BPI: variants seen among roughly 807,000 people sequenced by gnomAD.
The protein encoded by BPI is bactericidal permeability increasing protein, also known as bactericidal permeability-increasing protein.
In BPI, 48 loss-of-function variants were observed where a neutral mutation model predicts 57.6. The observed-to-expected ratio is 0.83, with a 90% confidence interval of 0.66 to 1.06. The LOEUF (loss-of-function observed/expected upper bound fraction) is 1.06, where lower values mean the gene tolerates loss of function less well. Among genes scored for constraint, BPI ranks in the 50% least tolerant of loss-of-function variants. BPI has a pLI of 0.00. For missense variants in BPI, 651 were observed against 609.7 expected, an observed-to-expected ratio of 1.07 and a Z score of -0.71; for synonymous variants, 237 against 238.2, an observed-to-expected ratio of 0.99 and a Z score of 0.05.
rs151281669 is a variant in BPI, at chr20:38,327,589, A to G, written c.1163A>G (p.His388Arg). ...CACCCTGGGTTGTTGTTTTGGCAGC[A>G]CACAACTGGTTCCATGGAGGTCAGC... ...SLASLFLIGM[H>R]TTGSMEVSAE... Residue 388 changes from histidine to arginine, a missense_variant and splice_region_variant, in exon 11 of 15, where the codon CAC (histidine) becomes CGC (arginine). By Grantham distance (29) the His-to-Arg change is conservative. Coordinates refer to ENST00000642449, the MANE Select transcript of BPI (RefSeq NM_001725.3). 6.3e-5 allele frequency: 102 copies of G among 1,613,028 alleles called. No homozygotes were observed. The highest frequency in any genetic ancestry group is 8.2e-5 in the Non-Finnish European group (97 of 1,179,602).
chr20:38,304,228 C>T lies in BPI; in HGVS notation c.5C>T (p.Ala2Val). 6.2e-7 allele frequency: 1 copy of T among 1,614,172 alleles called. No individual in the cohort carries two copies. The highest frequency in any genetic ancestry group is 8.5e-7 in the Non-Finnish European group (1 of 1,180,032). M[A>V]RGPCNAPRWA... is the part of the protein sequence containing the mutation. ...CTCTGGAGGATGAGAGAGAACATGG[C>T]CAGGGGCCCTTGCAACGCGCCGAGA... The change falls in exon 1 of 15, where the codon GCC becomes GTC. Residue 2 changes from alanine to valine, a missense_variant. By Grantham distance (64) the Ala-to-Val change is moderately conservative. Coordinates refer to ENST00000642449, the MANE Select transcript of BPI (RefSeq NM_001725.3).
rs187671628 is a variant in BPI, at chr20:38,304,278, G to T, written c.55G>T (p.Ala19Ser). The T allele has an allele frequency of 6.8e-6, 11 of 1,614,104 alleles. No individual in the cohort carries two copies. In the African/African-American group the frequency reaches 1.5e-4, roughly 22 times the overall value. The change falls in exon 1 of 15, where the codon GCC (alanine) becomes TCC (serine). Residue 19 changes from alanine (A) to serine (S), a missense_variant. Ala to Ser is a moderately conservative substitution (Grantham distance 99). Transcript: ENST00000642449. ...ATGGGCGTCCCTGATGGTGCTGGTCGCCATAGGCACCGCCGTGACAGCGGC... is the reference window on the plus strand; with the variant it reads ...ATGGGCGTCCCTGATGGTGCTGGTCTCCATAGGCACCGCCGTGACAGCGGC... ...PRWASLMVLV[A>S]IGTAVTAAVN...
Position 38,331,171 on chromosome 20 carries a change from T to A in BPI, c.1272+81T>A, listed in dbSNP as rs973406616. On this transcript the variant is annotated intron_variant, in intron 12 of 14. Transcript: ENST00000642449. ...GGGACATGTCATAGGCTCAAGGCAT[T>A]ATTTAAGAGGCTACTGGCTCATTTG... 2.7e-6 allele frequency: 4 copies of A among 1,472,826 alleles called. No individual in the cohort carries two copies. The African/African-American group carries it at 5.6e-5, about 21-fold the overall frequency. The allele number at this position is 1,472,826 out of a possible 1,614,324, so 91.2% of individuals were successfully genotyped here.
At chr20:38,329,807 G>A (rs948604524) in intron 11 of BPI, among the ~76,000 whole-genome samples, 3 of 152,192 alleles carry the variant, frequency 2.0e-5, no homozygotes, top group South Asian at 4.2e-4. Flanking sequence ...CTGCCTCCCG[G>A]GTTCAAGCAA....
chr20:38,312,914 A>G (rs1305407682), intron 5 of BPI, among the ~76,000 whole-genome samples: 1 of 152,216 alleles, frequency 6.6e-6, no homozygotes, highest in South Asian at 2.1e-4. Context: ...GCAAGAGTGG[A>G]GCCAGTGGCT....
At chr20:38,317,985 C>T (rs1328750214) in intron 5 of BPI, 2 of 985,078 alleles carry the variant, frequency 2.0e-6, no homozygotes, top group Admixed American at 6.2e-5. Flanking sequence ...AGAAACACTG[C>T]CCATGCTCCC....
rs1002008874 is a variant in BPI, at chr20:38,326,501, G to A, written c.1161+69G>A. The A allele has an allele frequency of 4.1e-6, 6 of 1,475,626 alleles. No individual in the cohort carries two copies. In the African/African-American group the frequency reaches 7.0e-5, roughly 17 times the overall value. 91.4% of individuals were successfully genotyped at this position (1,475,626 alleles called of 1,614,324 possible). On this transcript the variant is annotated intron_variant, in intron 10 of 14. Coordinates refer to ENST00000642449, the MANE Select transcript of BPI (RefSeq NM_001725.3). Reference sequence around the variant, plus strand: ...CCCAACAGCACTGTCTTTGGAGTCAGGAGACCATGTGAATCCTGTCTGGAT... The same window carrying A: ...CCCAACAGCACTGTCTTTGGAGTCAAGAGACCATGTGAATCCTGTCTGGAT...
intron 5 of BPI, chr20:38,317,837 T>G: frequency 6.7e-7 from 1 of 1,501,556 alleles, no homozygotes; most frequent in Non-Finnish European, 8.9e-7. Context: ...CAAGTCAGAT[T>G]TTCTCAGGCT....
intron 13 of BPI, among the ~76,000 whole-genome samples, chr20:38,334,894 AG>A (rs1235151328): frequency 6.6e-6 from 1 of 152,124 alleles, no homozygotes. Context: ...AAGCAGGATG[AG>A]GGGGTTCCCT....
At chr20:38,317,724 A>G in intron 5 of BPI, 1 of 1,077,912 alleles carries the variant, frequency 9.3e-7, no homozygotes, top group South Asian at 1.3e-5. Flanking sequence ...AGAAGAGCAA[A>G]TGGAATGGAA....
In BPI at chr20:38,337,301, T is replaced by C; in HGVS notation, c.*117T>C. On this transcript the variant is annotated 3_prime_UTR_variant, in exon 15 of 15. Coordinates refer to ENST00000642449, the MANE Select transcript of BPI (RefSeq NM_001725.3). ...TCTTAACCAAGAGCCCCTTGCAAAC[T>C]TCTTCGACTCAGATTCAGAAATGAT... The C allele has an allele frequency of 1.2e-6, 1 of 820,394 alleles. No individual in the cohort carries two copies. Among genetic ancestry groups the C allele is most frequent in the Non-Finnish European group, 1.9e-6 (1 of 521,704 alleles). 50.8% of individuals were successfully genotyped at this position (820,394 alleles called of 1,614,324 possible).
In BPI at chr20:38,326,387, C is replaced by T. The variant is rs765937243; in HGVS notation, c.1116C>T (p.Ala372=). 2.5e-6 allele frequency: 4 copies of T among 1,614,140 alleles called. No individual in the cohort carries two copies. Among genetic ancestry groups the T allele is most frequent in the Non-Finnish European group, 1.7e-6 (2 of 1,180,000 alleles). ...FYPAVDVQAF[A]VLPNSSLASL... ...CTGCCGTGGATGTCCAGGCCTTTGC[C>T]GTCCTCCCCAACTCCTCCCTGGCTT... The change falls in exon 10 of 15, where the codon GCC becomes GCT. Residue 372 remains alanine (A), a synonymous_variant. Transcript: ENST00000642449.
At chr20:38,318,729 A>G (rs562925918) in intron 6 of BPI, among the ~76,000 whole-genome samples, 1 of 151,998 alleles carries the variant, frequency 6.6e-6, no homozygotes, top group Non-Finnish European at 1.5e-5. Flanking sequence ...ACAACAAAAT[A>G]CCCCCAGCTC....
intron 5 of BPI, chr20:38,317,544 G>A (rs972149862): frequency 4.2e-5 from 28 of 659,354 alleles, no homozygotes; most frequent in South Asian, 3.1e-4. Context: ...TGGGCTTCTC[G>A]TAGCATTGAG....
Position 38,326,360 on chromosome 20 carries a change from C to T in BPI, c.1089C>T (p.Tyr363=). The change falls in exon 10 of 15, where the codon TAC becomes TAT. Residue 363 remains tyrosine (Y), a synonymous_variant. Coordinates refer to ENST00000642449, the MANE Select transcript of BPI (RefSeq NM_001725.3). The part of the protein sequence containing the change: ...LSVQPTGLTF[Y]PAVDVQAFAV... ...TGCAGCCCACCGGCCTTACCTTCTA[C>T]CCTGCCGTGGATGTCCAGGCCTTTG... 6.2e-7 allele frequency: 1 copy of T among 1,614,196 alleles called. No individual in the cohort carries two copies. The highest frequency in any genetic ancestry group is 1.3e-5 in the African/African-American group (1 of 75,072).
intron 12 of BPI, among the ~76,000 whole-genome samples, chr20:38,331,843 C>CAAAAAAAAA (rs71644569): frequency 1.2e-5 from 1 of 81,000 alleles, no homozygotes; most frequent in Non-Finnish European, 2.6e-5. Flanking sequence ...AATCTTGTCT[C>CAAAAAAAAA]AAAAAAAAAA....
At position 38,337,489 on chromosome 20, in the gene BPI, G is replaced by T; in HGVS notation, c.*305G>T. 3 of 308,720 alleles carry T rather than the reference G, an allele frequency of 9.7e-6. No individual in the cohort carries two copies. Among genetic ancestry groups the T allele is most frequent in the Non-Finnish European group, 1.8e-5 (3 of 171,364 alleles). 19.1% of individuals were successfully genotyped at this position (308,720 alleles called of 1,614,324 possible). ...TTGTGCTTCATGAAAAAAAACTTCT[G>T]GTTTTTTTCATGTGGATTCTGTGTG... On this transcript the variant is annotated 3_prime_UTR_variant, in exon 15 of 15. Transcript: ENST00000642449.
intron 4 of BPI, 25 bp downstream of exon 4, chr20:38,310,677 G>T: frequency 6.3e-7 from 1 of 1,595,934 alleles, no homozygotes; most frequent in Non-Finnish European, 8.6e-7. Context: ...GACTGTGGCT[G>T]GGAGGAGGGA....
rs146247390 is a variant in BPI, at chr20:38,337,004, A to G, written c.1414-142A>G. 1.5e-3 allele frequency: 908 copies of G among 591,232 alleles called. 1 individual carries two copies. In the African/African-American group the frequency reaches 0.021, roughly 13 times the overall value. The allele number at this position is 591,232 out of a possible 1,614,324, so 36.6% of individuals were successfully genotyped here. ...GATGTGTAGATCCGGGCAGCGAAAC[A>G]CTGAGTGACCCCCACTGGCCCTGCC... On this transcript the variant is annotated intron_variant, in intron 14 of 14. Coordinates refer to ENST00000642449, the MANE Select transcript of BPI (RefSeq NM_001725.3).
Sources: allele counts gnomAD v4.1 joint callset (sites outside exome capture counted in the v4.1 genomes callset), GRCh38; gene constraint gnomAD v4.1.1; transcripts MANE v1.5; gene names NCBI Gene and HGNC (gene_info 2026-07-23, HGNC 2026-07-21).